CTNNA2: variants seen among roughly 807,000 people sequenced by gnomAD.
The protein encoded by CTNNA2 is catenin alpha 2.
CTNNA2 carries 42 observed loss-of-function variants against 101.0 expected under a neutral mutation model. The observed-to-expected ratio is 0.42, with a 90% CI of 0.32 to 0.54. The LOEUF is 0.54. CTNNA2 is among the 20% of genes least tolerant of loss of function. The pLI, the probability that CTNNA2 is intolerant of heterozygous loss-of-function variation, is 0.14. For missense variants in CTNNA2, 871 were observed against 1,223.1 expected (o/e 0.71, Z 4.29); for synonymous variants, 450 against 456.4 (o/e 0.99, Z 0.18).
At chr2:79,383,823 C>A (rs1678067287) in intron 4 of CTNNA2, among the ~76,000 whole-genome samples, 2 of 152,136 alleles carry the variant, frequency 1.3e-5, no homozygotes, top group Admixed American at 6.5e-5. Context: ...AATTGGGGGT[C>A]TGGAGACTGT....
chr2:79,685,944 G>A (rs1232448694), intron 2 of CTNNA2, among the ~76,000 whole-genome samples: 1 of 152,092 alleles, frequency 6.6e-6, no homozygotes, highest in Non-Finnish European at 1.5e-5. Flanking sequence ...TGACCACTGA[G>A]GGGCACATGT....
intron 9 of CTNNA2, among the ~76,000 whole-genome samples, chr2:80,511,045 AC>A (rs1688666830): frequency 6.6e-6 from 1 of 152,226 alleles, no homozygotes; most frequent in African/African-American, 2.4e-5. Flanking sequence ...AACTTACAAA[AC>A]AATTGCAAAG....
intron 3 of CTNNA2, among the ~76,000 whole-genome samples, chr2:79,340,740 A>C (rs371317739): frequency 6.8e-6 from 1 of 147,146 alleles, no homozygotes; most frequent in African/African-American, 2.5e-5. Flanking sequence ...AGGCTGAGGC[A>C]GGAGAATGGC....
intron 1 of CTNNA2, among the ~76,000 whole-genome samples, chr2:79,637,690 T>C (rs1680169855): frequency 6.6e-6 from 1 of 152,226 alleles, no homozygotes; most frequent in East Asian, 1.9e-4. Flanking sequence ...ATTATCCACA[T>C]ATTTCTGTGA....
At chr2:79,395,400 A>C (rs906060597) in intron 4 of CTNNA2, among the ~76,000 whole-genome samples, 2 of 151,288 alleles carry the variant, frequency 1.3e-5, no homozygotes, top group Non-Finnish European at 2.9e-5. Flanking sequence ...CCTCCCCCCA[A>C]CCCACAACAG....
At chr2:80,362,566 G>A (rs1052832588) in intron 7 of CTNNA2, among the ~76,000 whole-genome samples, 1 of 151,824 alleles carries the variant, frequency 6.6e-6, no homozygotes, top group African/African-American at 2.4e-5. Context: ...TTTAGATGCT[G>A]AAATTACTAG....
chr2:80,309,406 A>G (rs983139829), intron 7 of CTNNA2, among the ~76,000 whole-genome samples: 15 of 152,120 alleles, frequency 9.9e-5, no homozygotes, highest in Non-Finnish European at 8.8e-5. Flanking sequence ...ACTTTTATCA[A>G]TCTTGTGGTC....
chr2:80,182,035 G>A (rs1302353997), intron 7 of CTNNA2, among the ~76,000 whole-genome samples: 3 of 152,126 alleles, frequency 2.0e-5, no homozygotes, highest in Admixed American at 1.3e-4. Context: ...TAGGATAAAT[G>A]TATATATGAA....
At chr2:79,784,792 A>G (rs1674714351) in intron 3 of CTNNA2, among the ~76,000 whole-genome samples, 1 of 151,844 alleles carries the variant, frequency 6.6e-6, no homozygotes, top group Admixed American at 6.6e-5. Flanking sequence ...ACATGGATGA[A>G]TCTCATAAAT....
At chr2:80,552,923 A>T (rs985995844) in intron 11 of CTNNA2, among the ~76,000 whole-genome samples, 3 of 152,124 alleles carry the variant, frequency 2.0e-5, no homozygotes, top group Non-Finnish European at 4.4e-5. Flanking sequence ...ATTTATAAAA[A>T]TTAGTCAATT....
intron 7 of CTNNA2, among the ~76,000 whole-genome samples, chr2:80,187,660 C>T (rs1307249371): frequency 1.3e-5 from 2 of 152,202 alleles, no homozygotes; most frequent in African/African-American, 4.8e-5. Flanking sequence ...GGCAGAAAAA[C>T]AGAGGGAAAT....
chr2:79,869,049 G>A (rs951921416), intron 4 of CTNNA2, among the ~76,000 whole-genome samples: 12 of 152,140 alleles, frequency 7.9e-5, no homozygotes, highest in Non-Finnish European at 1.3e-4. Context: ...TTGTGGAGGG[G>A]AGAATAATAT....
intron 2 of CTNNA2, among the ~76,000 whole-genome samples, chr2:79,679,373 C>T (rs890761501): frequency 6.6e-6 from 1 of 152,122 alleles, no homozygotes; most frequent in African/African-American, 2.4e-5. Context: ...GGGTTGGCAT[C>T]CCACCTTGTT....
At position 79,707,828 on chromosome 2, in the gene CTNNA2, A is replaced by G. The variant is rs116756790; in HGVS notation, c.103-36559A>G. ...CAACTCTTCCTTTTGACAATTCGAG[A>G]GACTTTCCAGCTTGAGTGGGCTCTG... On this transcript the variant is annotated intron_variant, in intron 2 of 18. Transcript: ENST00000402739. Among the ~76,000 whole-genome samples, 349 of 152,254 alleles carry G rather than the reference A, an allele frequency of 2.3e-3. 1 individual carries two copies. The highest frequency in any genetic ancestry group is 6.6e-3 in the African/African-American group (274 of 41,540).
At chr2:80,326,650 T>TA (rs1559009838) in intron 7 of CTNNA2, among the ~76,000 whole-genome samples, 80 of 151,966 alleles carry the variant, frequency 5.3e-4, no homozygotes, top group African/African-American at 1.9e-3. Context: ...TAATTTTTTT[T>TA]TAAAAAAAGA....
chr2:79,365,140 G>A (rs1218135679), intron 3 of CTNNA2, among the ~76,000 whole-genome samples: 2 of 152,096 alleles, frequency 1.3e-5, no homozygotes, highest in African/African-American at 4.8e-5. Context: ...AGCTGAGCAT[G>A]GTGGCGGGTG....
At chr2:79,369,333 C>G (rs1302635207) in intron 3 of CTNNA2, among the ~76,000 whole-genome samples, 1 of 152,150 alleles carries the variant, frequency 6.6e-6, no homozygotes, top group African/African-American at 2.4e-5. Flanking sequence ...CAAGAACATG[C>G]ACACTGAGCT....
intron 4 of CTNNA2, among the ~76,000 whole-genome samples, chr2:79,430,327 T>G (rs1338305421): frequency 2.0e-5 from 3 of 152,198 alleles, no homozygotes; most frequent in African/African-American, 7.2e-5. Flanking sequence ...CTTATCATTG[T>G]CTAATCATTT....
chr2:79,617,112 C>G (rs1678678270), intron 1 of CTNNA2, among the ~76,000 whole-genome samples: 2 of 152,220 alleles, frequency 1.3e-5, no homozygotes, highest in South Asian at 4.1e-4. Flanking sequence ...CCATGTTGGC[C>G]AGGCTAGTCT....
Sources: allele counts gnomAD v4.1 joint callset (sites outside exome capture counted in the v4.1 genomes callset), GRCh38; gene constraint gnomAD v4.1.1; transcripts MANE v1.5; gene names NCBI Gene and HGNC (gene_info 2026-07-23, HGNC 2026-07-21).